Variants in GLIS3 observed in about 807,000 individuals in gnomAD.
GLIS3 encodes zinc finger protein GLIS3.
Under a neutral mutation model 78.6 loss-of-function variants are expected in GLIS3, and 53 were observed. The ratio of observed to expected loss-of-function variants is 0.67; its 90% CI spans 0.54 to 0.85. GLIS3 has a LOEUF of 0.85. GLIS3 is among the 40% of genes least tolerant of loss of function. GLIS3 has a pLI of 0.00. For synonymous variants in GLIS3, 684 were observed against 509.9 expected (o/e 1.34, Z -4.60); for missense variants, 1,703 against 1,231.1 (o/e 1.38, Z -5.74).
chr9:4,353,993 A>ATTTTTTTTTTTTTTTTTTTT, the GLIS3 span, among the ~76,000 whole-genome samples: 3 of 135,754 alleles, frequency 2.2e-5, no homozygotes, highest in African/African-American at 2.7e-5. Context: ...ACACCCGGCT[A>ATTTTTTTTTTTTTTTTTTTT]TTTTTTTTTT....
rs556124360 is a variant in GLIS3, at chr9:4,183,096, G to A, written c.389-57155C>T. Among the ~76,000 whole-genome samples the A allele has an allele frequency of 3.9e-5, 6 of 152,278 alleles. No individual in the cohort carries two copies. The East Asian group carries it at 7.7e-4, about 20-fold the overall frequency. ...ATTTCCTGTGATGCTATTTGGCCTG[G>A]AGAGGACTGAAAAGACAGCTATCTT... On this transcript the variant is annotated intron_variant, in intron 2 of 10. Coordinates refer to ENST00000381971, the MANE Select transcript of GLIS3 (RefSeq NM_001042413.2).
intron 7 of GLIS3, among the ~76,000 whole-genome samples, chr9:3,889,074 G>A (rs1427612620): frequency 1.3e-5 from 2 of 152,020 alleles, no homozygotes; most frequent in African/African-American, 4.8e-5. Flanking sequence ...TGATATTCAA[G>A]AATTTGAGAT....
intron 9 of GLIS3, among the ~76,000 whole-genome samples, chr9:3,836,776 T>C (rs1818378262): frequency 6.6e-6 from 1 of 152,142 alleles, no homozygotes; most frequent in Non-Finnish European, 1.5e-5. Context: ...CCCCAAATAC[T>C]AGTGGCTCCA....
chr9:4,206,598 T>C (rs940887305), intron 2 of GLIS3, among the ~76,000 whole-genome samples: 3 of 152,190 alleles, frequency 2.0e-5, no homozygotes, highest in Admixed American at 2.0e-4. Flanking sequence ...GAATACTTTA[T>C]AATCTCTCCC....
intron 6 of GLIS3, among the ~76,000 whole-genome samples, chr9:3,922,481 C>T (rs529407198): frequency 2.6e-5 from 4 of 152,170 alleles, no homozygotes; most frequent in African/African-American, 7.2e-5. Context: ...AGATAGGCAT[C>T]GCTTATGTAA....
At position 4,255,740 on chromosome 9, in the gene GLIS3, G is replaced by A. The variant is rs1381773706; in HGVS notation, c.388+30298C>T. 2.6e-5 allele frequency among the ~76,000 whole-genome samples: 4 copies of A among 152,058 alleles called. No individual in the cohort carries two copies. In the South Asian group the frequency reaches 6.2e-4, roughly 24 times the overall value. The stretch of plus-strand genomic sequence containing the variant: ...AGGGATGAATAGGCAGGGCACAGAG[G>A]ATTTTTAGGGCAGTGAAACTATTCT... On this transcript the variant is annotated intron_variant, in intron 2 of 10. Coordinates refer to ENST00000381971, the MANE Select transcript of GLIS3 (RefSeq NM_001042413.2).
chr9:4,246,807 C>A (rs1823847340), intron 2 of GLIS3, among the ~76,000 whole-genome samples: 1 of 152,004 alleles, frequency 6.6e-6, no homozygotes, highest in Non-Finnish European at 1.5e-5. Flanking sequence ...TCTTTTGGAC[C>A]CCTGACATAA....
Position 4,208,669 on chromosome 9 carries a change from T to A in GLIS3, c.388+77369A>T, listed in dbSNP as rs1046197749. On this transcript the variant is annotated intron_variant, in intron 2 of 10. Coordinates refer to ENST00000381971, the MANE Select transcript of GLIS3 (RefSeq NM_001042413.2). ...GGGAATAGTATGTTCCGCACTTGGGTAGAGAATAATTTGAAAAACCCTGGA... is the reference window on the plus strand; with the variant it reads ...GGGAATAGTATGTTCCGCACTTGGGAAGAGAATAATTTGAAAAACCCTGGA... Among the ~76,000 whole-genome samples, 21 of 152,142 alleles carry A rather than the reference T, an allele frequency of 1.4e-4. 1 individual carries two copies. Among genetic ancestry groups the A allele is most frequent in the Admixed American group, 1.3e-3 (20 of 15,278 alleles).
intron 2 of GLIS3, among the ~76,000 whole-genome samples, chr9:4,339,583 C>T (rs1210914471): frequency 6.6e-6 from 1 of 150,494 alleles, no homozygotes; most frequent in Non-Finnish European, 1.5e-5. Context: ...TGCTTCTGGT[C>T]CTTCTGTGAT....
chr9:4,391,218 G>C, the GLIS3 span, among the ~76,000 whole-genome samples: 348 of 152,266 alleles, frequency 2.3e-3, 2 homozygotes, highest in African/African-American at 8.0e-3. Flanking sequence ...CTCATCTCTG[G>C]TGGAAGGGAC....
chr9:4,254,435 A>G (rs1438544869), intron 2 of GLIS3, among the ~76,000 whole-genome samples: 2 of 152,236 alleles, frequency 1.3e-5, no homozygotes, highest in East Asian at 3.8e-4. Context: ...AGCCATTATA[A>G]AGCAATTCCA....
chr9:3,910,732 C>T (rs1019079065), intron 6 of GLIS3, among the ~76,000 whole-genome samples: 1 of 152,182 alleles, frequency 6.6e-6, no homozygotes, highest in African/African-American at 2.4e-5. Context: ...TATTCACTTT[C>T]CTGAGTAGAG....
chr9:4,290,439 G>T (rs1161951622), intron 1 of GLIS3, among the ~76,000 whole-genome samples: 1 of 151,924 alleles, frequency 6.6e-6, no homozygotes, highest in Admixed American at 6.6e-5. Flanking sequence ...TTTCATTAAT[G>T]CCGCCTTTTC....
intron 9 of GLIS3, among the ~76,000 whole-genome samples, chr9:3,852,536 C>T (rs899775608): frequency 2.6e-5 from 4 of 152,198 alleles, no homozygotes; most frequent in African/African-American, 9.7e-5. Flanking sequence ...ATAAATGCAA[C>T]TCATTAAGAA....
At chr9:4,156,096 A>T (rs1405022059) in intron 2 of GLIS3, among the ~76,000 whole-genome samples, 1 of 147,510 alleles carries the variant, frequency 6.8e-6, no homozygotes, top group Non-Finnish European at 1.5e-5. Flanking sequence ...GCAATGGATT[A>T]AAAAAAAAAA....
chr9:4,312,040 C>T (rs1817368842), intron 2 of GLIS3, among the ~76,000 whole-genome samples: 1 of 152,126 alleles, frequency 6.6e-6, no homozygotes, highest in Admixed American at 6.5e-5. Context: ...GGGTACGAGG[C>T]TTAGAATCTG....
intron 4 of GLIS3, among the ~76,000 whole-genome samples, chr9:4,096,789 A>C (rs1171605261): frequency 6.6e-6 from 1 of 152,172 alleles, no homozygotes; most frequent in Admixed American, 6.5e-5. Flanking sequence ...AGGCAGGTGG[A>C]TTGCTTGAAC....
chr9:4,399,541 C>T, the GLIS3 span, among the ~76,000 whole-genome samples: 1 of 152,250 alleles, frequency 6.6e-6, no homozygotes, highest in Admixed American at 6.5e-5. Context: ...GCCATTTCCC[C>T]TGTACCATGC....
chr9:4,012,358 C>T (rs1822083201), intron 4 of GLIS3, among the ~76,000 whole-genome samples: 5 of 152,024 alleles, frequency 3.3e-5, no homozygotes, highest in Admixed American at 3.3e-4. Context: ...TTTTGAAGAA[C>T]CAATATAGAA....
Sources: allele counts gnomAD v4.1 joint callset (sites outside exome capture counted in the v4.1 genomes callset), GRCh38; gene constraint gnomAD v4.1.1; transcripts MANE v1.5; gene names NCBI Gene and HGNC (gene_info 2026-07-23, HGNC 2026-07-21).